The following FGF13 variants were observed in gnomAD, a reference collection of about 807,000 sequenced individuals.
The protein encoded by FGF13 is fibroblast growth factor homologous factor 2.
In FGF13, 2 loss-of-function variants were observed where a neutral mutation model predicts 19.5. That is an observed-to-expected ratio of 0.10 (90% CI 0.04 to 0.32). The LOEUF (loss-of-function observed/expected upper bound fraction) is 0.32, where lower values mean the gene tolerates loss of function less well. FGF13 is among the 10% of genes least tolerant of loss of function. The probability of loss-of-function intolerance (pLI) is 1.00; values close to 1 mark genes in which losing one functional copy is unlikely to be tolerated. For missense variants in FGF13, 113 were observed against 192.7 expected (o/e 0.59, Z 2.45); for synonymous variants, 72 against 76.9 (o/e 0.94, Z 0.33).
chrX:138,947,463 G>A (rs985582835), intron 1 of FGF13, among the ~76,000 whole-genome samples: 5 of 109,825 alleles, frequency 4.6e-5, no homozygotes, highest in Non-Finnish European at 9.5e-5. Context: ...AAATGGGGGT[G>A]TAAATATTTA....
At chrX:138,939,784 G>A (rs1321802210) in intron 1 of FGF13, among the ~76,000 whole-genome samples, 1 of 112,248 alleles carries the variant, frequency 8.9e-6, no homozygotes, top group East Asian at 2.8e-4. Flanking sequence ...ATTCTGTGGT[G>A]TATATCTACC....
intron 1 of FGF13, among the ~76,000 whole-genome samples, chrX:138,882,082 A>C (rs1383505853): frequency 9.0e-6 from 1 of 110,515 alleles, no homozygotes; most frequent in Non-Finnish European, 1.9e-5. Context: ...ATATCCCATA[A>C]GTTTTGGTAT....
At chrX:139,076,363 G>A (rs1354311887) in intron 1 of FGF13, among the ~76,000 whole-genome samples, 2 of 111,764 alleles carry the variant, frequency 1.8e-5, no homozygotes, top group Admixed American at 1.9e-4. Flanking sequence ...ACACTGGTAT[G>A]GAAGTGCAAT....
intron 1 of FGF13, among the ~76,000 whole-genome samples, chrX:139,043,944 T>G (rs1011994490): frequency 4.5e-5 from 5 of 111,500 alleles, no homozygotes; most frequent in African/African-American, 9.8e-5. Context: ...TAAAATAGAT[T>G]AGAGCTTACC....
intron 1 of FGF13, among the ~76,000 whole-genome samples, chrX:139,001,526 G>C (rs2092073353): frequency 9.0e-6 from 1 of 110,680 alleles, no homozygotes; most frequent in South Asian, 3.9e-4. Flanking sequence ...AAAAATGAGT[G>C]AAGGATATGA....
chrX:138,845,747 T>C (rs1391799584), intron 3 of FGF13, among the ~76,000 whole-genome samples: 1 of 111,738 alleles, frequency 8.9e-6, no homozygotes, highest in Non-Finnish European at 1.9e-5. Context: ...AGTGAACAGC[T>C]TACCATGTAT....
intron 2 of FGF13, among the ~76,000 whole-genome samples, chrX:138,862,331 T>A (rs375924336): frequency 2.7e-5 from 3 of 112,031 alleles, no homozygotes; most frequent in African/African-American, 9.7e-5. Context: ...CAGAACATAA[T>A]TAATGATACA....
At chrX:139,161,136 AG>A (rs2084029490) in intron 1 of FGF13, among the ~76,000 whole-genome samples, 1 of 112,301 alleles carries the variant, frequency 8.9e-6, no homozygotes, top group East Asian at 2.8e-4. Context: ...CACATTAAAA[AG>A]CTTATCCACC....
chrX:138,923,822 T>G (rs1463898294), intron 1 of FGF13, among the ~76,000 whole-genome samples: 1 of 111,709 alleles, frequency 9.0e-6, no homozygotes. Flanking sequence ...TTCCTCTAGA[T>G]AAGCATATGT....
At chrX:139,033,027 CAAAAAAAA>C (rs758766077) in intron 1 of FGF13, among the ~76,000 whole-genome samples, 1,686 of 27,214 alleles carry the variant, frequency 0.062, 68 homozygotes, top group African/African-American at 0.21. Flanking sequence ...TCTGATTATC[CAAAAAAAA>C]AAAAAAAAAA....
chrX:138,778,061 G>A (rs1197313016), intron 3 of FGF13, among the ~76,000 whole-genome samples: 3 of 111,951 alleles, frequency 2.7e-5, no homozygotes, highest in Admixed American at 1.9e-4. Context: ...CAAGATGGCC[G>A]AATAGGAACA....
intron 1 of FGF13, among the ~76,000 whole-genome samples, chrX:138,722,703 A>G (rs759744910): frequency 1.8e-5 from 2 of 111,370 alleles, no homozygotes; most frequent in Non-Finnish European, 3.8e-5. Context: ...AAATGATAAT[A>G]TCTATAAAAC....
At chrX:139,024,893 T>C (rs757947927) in intron 1 of FGF13, among the ~76,000 whole-genome samples, 2 of 111,180 alleles carry the variant, frequency 1.8e-5, no homozygotes, top group South Asian at 3.9e-4. Flanking sequence ...TTCTCAACTA[T>C]ATACCTCTCT....
downstream of FGF13, among the ~76,000 whole-genome samples, chrX:138,853,055 C>A (rs763371440): frequency 5.3e-4 from 59 of 111,603 alleles, no homozygotes; most frequent in Non-Finnish European, 9.4e-4. Flanking sequence ...CTAAAGGAGA[C>A]AGACATGGAA....
intron 1 of FGF13, among the ~76,000 whole-genome samples, chrX:138,871,591 C>A (rs1358432222): frequency 8.9e-6 from 1 of 112,172 alleles, no homozygotes; most frequent in Admixed American, 9.5e-5. Context: ...TCTGCTATTG[C>A]AGTATAATTC....
intron 3 of FGF13, among the ~76,000 whole-genome samples, chrX:138,650,337 T>C (rs1569354368): frequency 2.7e-5 from 3 of 110,225 alleles, no homozygotes; most frequent in Non-Finnish European, 5.7e-5. Flanking sequence ...TACCAATCTC[T>C]AAAAAAAAAT....
intron 3 of FGF13, among the ~76,000 whole-genome samples, chrX:138,780,139 T>G (rs2090626336): frequency 9.2e-6 from 1 of 109,265 alleles, no homozygotes; most frequent in African/African-American, 3.3e-5. Context: ...CCACCAGGCC[T>G]TCCCTAAAAG....
At chrX:138,909,210 T>G (rs2124222639) in intron 1 of FGF13, among the ~76,000 whole-genome samples, 1 of 111,818 alleles carries the variant, frequency 8.9e-6, no homozygotes, top group East Asian at 2.8e-4. Flanking sequence ...TTCCCGGGGA[T>G]GGAGATAATG....
intron 1 of FGF13, among the ~76,000 whole-genome samples, chrX:138,725,718 C>T (rs890461338): frequency 6.3e-5 from 7 of 111,025 alleles, no homozygotes; most frequent in Non-Finnish European, 1.9e-5. Flanking sequence ...TTTTTCCTAA[C>T]GGTATTTGGC....
Sources: allele counts gnomAD v4.1 joint callset (sites outside exome capture counted in the v4.1 genomes callset), GRCh38; gene constraint gnomAD v4.1.1; transcripts MANE v1.5; gene names NCBI Gene and HGNC (gene_info 2026-07-23, HGNC 2026-07-21).